The following TPRG1 variants were observed in gnomAD, a reference collection of about 807,000 sequenced individuals.
TPRG1 encodes tumor protein p63 regulated 1.
A neutral mutation model predicts 29.3 loss-of-function variants in TPRG1; 29 were observed. That is an observed-to-expected ratio of 0.99 (90% confidence interval 0.74 to 1.35). The LOEUF is 1.35. Ranked by LOEUF, TPRG1 falls within the 40% of genes most tolerant of loss-of-function variation. The pLI, the probability that TPRG1 is intolerant of heterozygous loss-of-function variation, is 0.00. For missense variants in TPRG1, 327 were observed against 335.0 expected, an observed-to-expected ratio of 0.98 and a Z score of 0.19; for synonymous variants, 130 against 116.8, an observed-to-expected ratio of 1.11 and a Z score of -0.73.
chr3:189,190,436 AC>A (rs1267722996), intron 1 of TPRG1, among the ~76,000 whole-genome samples: 3 of 151,718 alleles, frequency 2.0e-5, no homozygotes, highest in African/African-American at 7.3e-5. Flanking sequence ...CCTCCCTGTC[AC>A]CCCCCACATC....
At chr3:189,085,353 A>G (rs1717860375) in intron 4 of TPRG1, among the ~76,000 whole-genome samples, 1 of 152,206 alleles carries the variant, frequency 6.6e-6, no homozygotes, top group South Asian at 2.1e-4. Context: ...TGCAATTCAT[A>G]TCTCATAGTA....
At chr3:189,146,802 T>G (rs1725322665) in intron 3 of TPRG1, among the ~76,000 whole-genome samples, 1 of 152,236 alleles carries the variant, frequency 6.6e-6, no homozygotes, top group African/African-American at 2.4e-5. Flanking sequence ...TTGGCATGAT[T>G]TAGGAAGAGG....
At chr3:189,114,641 G>T (rs1455966902) in intron 1 of TPRG1, among the ~76,000 whole-genome samples, 3 of 152,208 alleles carry the variant, frequency 2.0e-5, no homozygotes, top group Non-Finnish European at 4.4e-5. Flanking sequence ...TCCCAAATAA[G>T]GATTTGCCCA....
At chr3:189,079,424 C>T (rs1426574275) in intron 4 of TPRG1, among the ~76,000 whole-genome samples, 2 of 152,156 alleles carry the variant, frequency 1.3e-5, no homozygotes, top group Non-Finnish European at 2.9e-5. Context: ...TTGGAAGCCC[C>T]TCAAGAATAG....
intron 3 of TPRG1, among the ~76,000 whole-genome samples, chr3:189,011,111 A>G (rs944878694): frequency 6.6e-6 from 1 of 151,934 alleles, no homozygotes; most frequent in African/African-American, 2.4e-5. Flanking sequence ...CTATTCTGTT[A>G]GATTGATCTA....
rs1273215020 is a variant in TPRG1, at chr3:189,321,473, C to T, written c.*653C>T. The stretch of plus-strand genomic sequence containing the variant: ...CATGACATCCTATATATGATCACAT[C>T]TCTATACGGCTTAGCATTGTATTCC... On this transcript the variant is annotated 3_prime_UTR_variant, in exon 6 of 6. Transcript: ENST00000345063. The T allele has an allele frequency of 1.3e-5, 2 of 152,066 alleles. No individual in the cohort carries two copies. 9.4% of individuals were successfully genotyped at this position (152,066 alleles called of 1,614,324 possible). A position where few individuals can be genotyped will look rare whatever the true frequency, so the allele number is the denominator to read the frequency against.
intron 3 of TPRG1, among the ~76,000 whole-genome samples, chr3:189,142,782 G>A (rs929424939): frequency 6.6e-6 from 1 of 152,180 alleles, no homozygotes; most frequent in Non-Finnish European, 1.5e-5. Context: ...AGAAACCAGA[G>A]GCTTGTGAGA....
chr3:189,061,292 C>G (rs773580648), intron 4 of TPRG1, among the ~76,000 whole-genome samples: 1 of 152,152 alleles, frequency 6.6e-6, no homozygotes, highest in African/African-American at 2.4e-5. Flanking sequence ...AAAATTAACT[C>G]AAGATGGCTT....
chr3:189,020,101 G>C (rs1464252875), intron 3 of TPRG1, among the ~76,000 whole-genome samples: 2 of 151,928 alleles, frequency 1.3e-5, no homozygotes, highest in South Asian at 2.1e-4. Flanking sequence ...TTTTTATTGC[G>C]TCTATTTGAT....
At position 189,299,761 on chromosome 3, in the gene TPRG1, G is replaced by C. The variant is rs183516213; in HGVS notation, c.480-10625G>C. On this transcript the variant is annotated intron_variant, in intron 4 of 5. Coordinates refer to ENST00000345063, the MANE Select transcript of TPRG1 (RefSeq NM_198485.4). ...CGACCCTATTCTTGATCAGCTCACA[G>C]TTCATTTGATGATGTAACATTAGTA... Among the ~76,000 whole-genome samples, 90 of 152,098 alleles carry C rather than the reference G, an allele frequency of 5.9e-4. 1 individual carries two copies. The highest frequency in any genetic ancestry group is 1.1e-3 in the Non-Finnish European group (73 of 68,008).
At chr3:189,030,499 C>G (rs1713875058) in intron 4 of TPRG1, among the ~76,000 whole-genome samples, 1 of 152,094 alleles carries the variant, frequency 6.6e-6, no homozygotes, top group South Asian at 2.1e-4. Context: ...TTCCTCCAAC[C>G]ATTATTCCCA....
chr3:189,094,084 G>T (rs1718515352), intron 4 of TPRG1, among the ~76,000 whole-genome samples: 1 of 152,168 alleles, frequency 6.6e-6, no homozygotes, highest in African/African-American at 2.4e-5. Flanking sequence ...CATGGGCCTT[G>T]CCCTAAGCTC....
chr3:189,158,627 A>G lies in TPRG1; in HGVS notation c.-10+7755A>G, dbSNP rs569320233. On this transcript the variant is annotated intron_variant, in intron 5 of 6. Transcript: ENST00000412373. ...CCATCTCAAAAAATAAAAAAAAATA[A>G]TAAGTAAATAAATAAATAAATTGCA... Among the ~76,000 whole-genome samples the G allele has an allele frequency of 3.3e-5, 5 of 152,144 alleles. No homozygotes were observed. In the South Asian group the frequency reaches 1.0e-3, roughly 32 times the overall value.
exon 4 of TPRG1, chr3:189,023,849 G>A (rs551339684): frequency 4.6e-5 from 7 of 152,524 alleles, no homozygotes; most frequent in African/African-American, 1.7e-4. Flanking sequence ...CAGCAAAGAT[G>A]GCAGCCTGCC....
intron 4 of TPRG1, among the ~76,000 whole-genome samples, chr3:189,268,569 C>G (rs1049032093): frequency 6.6e-6 from 1 of 152,134 alleles, no homozygotes; most frequent in African/African-American, 2.4e-5. Flanking sequence ...CTGAGAAGGG[C>G]GCCAAAATTT....
chr3:189,076,922 A>G (rs1196834901), intron 4 of TPRG1, among the ~76,000 whole-genome samples: 1 of 143,638 alleles, frequency 7.0e-6, no homozygotes, highest in Admixed American at 6.7e-5. Flanking sequence ...ATATATGTGT[A>G]CATATATATA....
At chr3:189,049,081 G>C (rs958331709) in intron 4 of TPRG1, among the ~76,000 whole-genome samples, 1 of 152,142 alleles carries the variant, frequency 6.6e-6, no homozygotes, top group Non-Finnish European at 1.5e-5. Flanking sequence ...ACTCCACAGG[G>C]AGAAGGAATT....
intron 4 of TPRG1, among the ~76,000 whole-genome samples, chr3:189,083,324 T>C (rs1454700779): frequency 6.6e-6 from 1 of 152,100 alleles, no homozygotes; most frequent in Non-Finnish European, 1.5e-5. Context: ...GTGGTGAGGC[T>C]TCTCCTGGGG....
intron 1 of TPRG1, among the ~76,000 whole-genome samples, chr3:189,193,721 A>G (rs1732095899): frequency 6.6e-6 from 1 of 150,474 alleles, no homozygotes; most frequent in African/African-American, 2.5e-5. Context: ...TTATTAATCA[A>G]CTTATTCAGA....
Sources: allele counts gnomAD v4.1 joint callset (sites outside exome capture counted in the v4.1 genomes callset), GRCh38; gene constraint gnomAD v4.1.1; transcripts MANE v1.5; gene names NCBI Gene and HGNC (gene_info 2026-07-23, HGNC 2026-07-21).